Variants in CRIM1 observed in about 807,000 individuals in gnomAD.
CRIM1 encodes cysteine-rich motor neuron 1 protein.
CRIM1 carries 32 observed loss-of-function variants against 116.4 expected under a neutral mutation model. The ratio of observed to expected loss-of-function variants is 0.27; its 90% CI spans 0.21 to 0.37. The LOEUF is 0.37. Ranked by LOEUF, CRIM1 falls within the 10% of genes least tolerant of loss-of-function variation. The pLI, the probability that CRIM1 is intolerant of heterozygous loss-of-function variation, is 1.00. For synonymous variants in CRIM1, 590 were observed against 509.2 expected (o/e 1.16, Z -2.13); for missense variants, 1,331 against 1,354.8 (o/e 0.98, Z 0.28).
chr2:36,522,428 A>G (rs1665456707), intron 13 of CRIM1, 115 bp downstream of exon 13: 6 of 769,142 alleles, frequency 7.8e-6, no homozygotes, highest in South Asian at 1.6e-5. Flanking sequence ...CCTGCTTGAC[A>G]TGTCACACAG....
chr2:36,458,373 C>G (rs1488869800), intron 4 of CRIM1, among the ~76,000 whole-genome samples: 2 of 152,126 alleles, frequency 1.3e-5, no homozygotes, highest in Non-Finnish European at 2.9e-5. Flanking sequence ...ACTCCTAGCC[C>G]TGTGGCCTCC....
chr2:36,512,182 A>G, intron 9 of CRIM1, 91 bp from the exon 10 acceptor site: 1 of 1,423,348 alleles, frequency 7.0e-7, no homozygotes. Context: ...GTTTAATAGC[A>G]ATATCACTTT....
chr2:36,375,624 C>T (rs1412324882), intron 1 of CRIM1, among the ~76,000 whole-genome samples: 2 of 152,210 alleles, frequency 1.3e-5, no homozygotes, highest in East Asian at 3.9e-4. Flanking sequence ...AAGATATATA[C>T]CAATCAACAT....
In CRIM1 at chr2:36,549,871, A is replaced by G. The variant is rs1328584107; in HGVS notation, c.*1170A>G. 1 of 152,092 alleles carries G rather than the reference A, an allele frequency of 6.6e-6. No individual in the cohort carries two copies. Among genetic ancestry groups the G allele is most frequent in the Non-Finnish European group, 1.5e-5 (1 of 67,922 alleles). The allele number at this position is 152,092 out of a possible 1,614,324, so 9.4% of individuals were successfully genotyped here. ...TATATACATATATATTTATACACAT[A>G]CAATTTATGTTTTCCTGTTGAATGT... On this transcript the variant is annotated 3_prime_UTR_variant, in exon 17 of 17. Transcript: ENST00000280527.
intron 1 of CRIM1, among the ~76,000 whole-genome samples, chr2:36,381,854 T>C (rs1335316033): frequency 2.0e-5 from 3 of 152,240 alleles, no homozygotes; most frequent in South Asian, 4.1e-4. Context: ...CCCAGTGCTT[T>C]TTAACATGCT....
intron 13 of CRIM1, among the ~76,000 whole-genome samples, chr2:36,533,426 A>C (rs986428605): frequency 2.8e-3 from 115 of 41,440 alleles, no homozygotes; most frequent in African/African-American, 0.014. Context: ...CCATCTCCAC[A>C]AAAAAAAAAA....
At chr2:36,486,982 C>G (rs941277284) in intron 7 of CRIM1, among the ~76,000 whole-genome samples, 3 of 152,138 alleles carry the variant, frequency 2.0e-5, no homozygotes, top group Admixed American at 6.5e-5. Flanking sequence ...GGCCTGCAGA[C>G]TTTAAAAAGA....
At chr2:36,472,834 T>C (rs1678641191) in intron 5 of CRIM1, among the ~76,000 whole-genome samples, 1 of 152,234 alleles carries the variant, frequency 6.6e-6, no homozygotes, top group Non-Finnish European at 1.5e-5. Context: ...GAACTTATAG[T>C]GTAGCTGCAC....
intron 1 of CRIM1, chr2:36,378,478 G>C: frequency 2.2e-6 from 1 of 464,442 alleles, no homozygotes. Flanking sequence ...TCATTCTGAG[G>C]TGCCTGGGCC....
chr2:36,421,045 T>C (rs186474982), intron 2 of CRIM1, among the ~76,000 whole-genome samples: 332 of 152,340 alleles, frequency 2.2e-3, no homozygotes, highest in African/African-American at 7.4e-3. Flanking sequence ...TTTATTGCAG[T>C]AGCATTGTAA....
intron 5 of CRIM1, among the ~76,000 whole-genome samples, chr2:36,472,768 C>T (rs1374180269): frequency 6.6e-6 from 1 of 152,082 alleles, no homozygotes; most frequent in African/African-American, 2.4e-5. Context: ...TATTTTGCCT[C>T]GCTCTACAGC....
chr2:36,529,770 G>C (rs1239485648), intron 13 of CRIM1, among the ~76,000 whole-genome samples: 1 of 152,132 alleles, frequency 6.6e-6, no homozygotes, highest in Non-Finnish European at 1.5e-5. Flanking sequence ...ACTAGGACTT[G>C]GAAGCCTGAG....
At chr2:36,429,279 T>C (rs1190282382) in intron 2 of CRIM1, among the ~76,000 whole-genome samples, 1 of 152,184 alleles carries the variant, frequency 6.6e-6, no homozygotes, top group Non-Finnish European at 1.5e-5. Context: ...TGATGTCCCG[T>C]GACATTTGAA....
intron 14 of CRIM1, among the ~76,000 whole-genome samples, chr2:36,538,933 G>T (rs796573587): frequency 6.6e-6 from 1 of 152,192 alleles, no homozygotes; most frequent in Non-Finnish European, 1.5e-5. Flanking sequence ...GATGAAACTT[G>T]ACCTTATTTA....
chr2:36,458,491 G>C (rs1200580500), intron 4 of CRIM1, among the ~76,000 whole-genome samples: 1 of 152,140 alleles, frequency 6.6e-6, no homozygotes, highest in Admixed American at 6.5e-5. Context: ...AACATGCCTA[G>C]TGGTAGGGAG....
Position 36,513,703 on chromosome 2 carries a change from G to C in CRIM1, c.1928G>C (p.Cys643Ser). The change falls in exon 11 of 17, where the codon TGC becomes TCC. Residue 643 changes from cysteine (C) to serine (S), a missense_variant. Around this residue, in one of 3 missense-constraint regions of CRIM1, gnomAD observed 358 missense variants for 436.1 expected, o/e 0.82. Transcript: ENST00000280527. ...CGGGAAATGTGTGCCCTGATCACCT[G>C]CCCGGTGCCTGCCTGTGGCAACCCC... ...NGREMCALIT[C>S]PVPACGNPTI... 6.2e-7 allele frequency: 1 copy of C among 1,614,182 alleles called. No individual in the cohort carries two copies. The highest frequency in any genetic ancestry group is 8.5e-7 in the Non-Finnish European group (1 of 1,180,038).
At chr2:36,544,298 A>T in intron 14 of CRIM1, 78 bp from the exon 15 acceptor site, 1 of 1,235,700 alleles carries the variant, frequency 8.1e-7, no homozygotes, top group Non-Finnish European at 1.0e-6. Flanking sequence ...AATTGAGTGC[A>T]CCATTTGGAT....
chr2:36,462,123 T>A (rs982864427), intron 4 of CRIM1, among the ~76,000 whole-genome samples: 4 of 152,128 alleles, frequency 2.6e-5, no homozygotes, highest in African/African-American at 9.7e-5. Flanking sequence ...CATAAAACAT[T>A]TTCCTTTCCT....
At chr2:36,463,714 G>A (rs569245517) in intron 4 of CRIM1, among the ~76,000 whole-genome samples, 1 of 152,236 alleles carries the variant, frequency 6.6e-6, no homozygotes, top group East Asian at 1.9e-4. Context: ...GCCCGTATTT[G>A]CCAGGCTTCT....
Sources: allele counts gnomAD v4.1 joint callset (sites outside exome capture counted in the v4.1 genomes callset), GRCh38; gene constraint gnomAD v4.1.1; regional missense constraint gnomAD v4.1.1; transcripts MANE v1.5; gene names NCBI Gene and HGNC (gene_info 2026-07-23, HGNC 2026-07-21).